The following MCM10 variants were observed in gnomAD, a reference collection of about 807,000 sequenced individuals.
MCM10 encodes protein MCM10 homolog.
A neutral mutation model predicts 109.9 loss-of-function variants in MCM10; 91 were observed. That is an observed-to-expected ratio of 0.83 (90% CI 0.70 to 0.99). The LOEUF (loss-of-function observed/expected upper bound fraction) is 0.99. MCM10 is among the 50% of genes least tolerant of loss of function. The probability of loss-of-function intolerance (pLI) is 0.00; values close to 1 mark genes in which losing one functional copy is unlikely to be tolerated. For synonymous variants in MCM10, 380 were observed against 387.2 expected, an observed-to-expected ratio of 0.98 and a Z score of 0.22; for missense variants, 1,077 against 1,061.2, an observed-to-expected ratio of 1.01 and a Z score of -0.21.
chr10:13,190,384 G>A (rs964724195), intron 10 of MCM10, among the ~76,000 whole-genome samples: 20 of 152,124 alleles, frequency 1.3e-4, no homozygotes, highest in African/African-American at 4.8e-4. Context: ...CCTATCACCT[G>A]AAAAACTGTT....
In MCM10 at chr10:13,185,936, G is replaced by GT. The variant is rs200604210; in HGVS notation, c.1099-222dup. On this transcript the variant is annotated intron_variant, in intron 8 of 19. Coordinates refer to ENST00000378714, the MANE Select transcript of MCM10 (RefSeq NM_018518.5). ...CTACCATGCCTGGCTAATTTTTGTG[G>GT]TTTTTTGTAGAGACAGGGTTTTGCC... Among the ~76,000 whole-genome samples the GT allele has an allele frequency of 6.6e-4, 101 of 152,176 alleles. 3 individuals carry two copies. The East Asian group carries it at 0.018, about 27-fold the overall frequency.
chr10:13,180,657 G>A, intron 7 of MCM10, 50 bp downstream of exon 7: 2 of 1,591,050 alleles, frequency 1.3e-6, no homozygotes, highest in Non-Finnish European at 1.7e-6. Flanking sequence ...ACTGACAGTG[G>A]GAATTCGATG....
chr10:13,204,386 C>A, intron 18 of MCM10, 22 bp downstream of exon 18: 1 of 1,611,878 alleles, frequency 6.2e-7, no homozygotes, highest in East Asian at 2.2e-5. Flanking sequence ...ACCTGGAGCT[C>A]TTTGTCCCAC....
At chr10:13,201,647 T>A in intron 17 of MCM10, 113 bp downstream of exon 17, 1 of 779,132 alleles carries the variant, frequency 1.3e-6, no homozygotes, top group South Asian at 1.7e-5. Context: ...ATGTGTCAGT[T>A]AATTAGGCTG....
intron 2 of MCM10, among the ~76,000 whole-genome samples, chr10:13,169,275 C>T (rs1381751523): frequency 6.6e-6 from 1 of 152,180 alleles, no homozygotes; most frequent in Non-Finnish European, 1.5e-5. Context: ...GACGCGGCAA[C>T]CCATTTCTCT....
rs777435835 is a variant in MCM10 at position 13,204,297 on chromosome 10, A to G, written c.2431A>G (p.Arg811Gly). 1 of 1,614,206 alleles carries G rather than the reference A, an allele frequency of 6.2e-7. No individual in the cohort carries two copies. The highest frequency in any genetic ancestry group is 1.1e-5 in the South Asian group (1 of 91,082). The change falls in exon 18 of 20, where the codon AGG becomes GGG. Residue 811 changes from arginine (R) to glycine (G), a missense_variant. By Grantham distance (125) the Arg-to-Gly change is moderately radical. Transcript: ENST00000378714. Reference protein sequence around the residue: ...HEYHWHDGVKRFFKCPCGNRS... With the variant: ...HEYHWHDGVKGFFKCPCGNRS... ...ATACCACTGGCATGATGGTGTGAAG[A>G]GGTTTTTCAAATGTCCCTGTGGAAA...
intron 5 of MCM10, among the ~76,000 whole-genome samples, chr10:13,173,078 T>A (rs566966394): frequency 2.0e-5 from 3 of 152,192 alleles, no homozygotes; most frequent in Admixed American, 2.0e-4. Flanking sequence ...GTTGCTTGCC[T>A]GTAGTCTCAG....
intron 11 of MCM10, 74 bp downstream of exon 11, chr10:13,191,473 T>C (rs1834346364): frequency 5.0e-6 from 6 of 1,192,884 alleles, no homozygotes; most frequent in Admixed American, 1.7e-5. Context: ...AGACTACACA[T>C]TGGGTACAGG....
rs1834522116 is a variant in MCM10, at chr10:13,203,115, G to A, written c.2353-1104G>A. The stretch of plus-strand genomic sequence containing the variant: ...CTGCCTTGGCCTCCCAAAGCGCTGG[G>A]ATTACAGGCATGAGCCACCATGCCT... On this transcript the variant is annotated intron_variant, in intron 17 of 19. Transcript: ENST00000378714. 2.6e-5 allele frequency among the ~76,000 whole-genome samples: 4 copies of A among 152,266 alleles called. No individual in the cohort carries two copies. The South Asian group carries it at 8.3e-4, about 32-fold the overall frequency.
intron 8 of MCM10, among the ~76,000 whole-genome samples, chr10:13,185,724 C>CG (rs2131573978): frequency 6.6e-6 from 1 of 152,184 alleles, no homozygotes; most frequent in East Asian, 1.9e-4. Flanking sequence ...GTTCCTAAAA[C>CG]GGTTATAGAG....
chr10:13,185,810 G>A (rs189475310), intron 8 of MCM10, among the ~76,000 whole-genome samples: 1 of 152,274 alleles, frequency 6.6e-6, no homozygotes, highest in African/African-American at 2.4e-5. Context: ...GCCCAGGCTG[G>A]AGTGCAGTGG....
chr10:13,205,957 C>G (rs1834574636), intron 18 of MCM10, among the ~76,000 whole-genome samples: 1 of 152,180 alleles, frequency 6.6e-6, no homozygotes, highest in Non-Finnish European at 1.5e-5. Flanking sequence ...GGTTAAGGAA[C>G]CCTCCCTGGT....
rs780608110 is a variant in MCM10 at position 13,183,022 on chromosome 10, G to A, written c.1020G>A (p.Ala340=). ...TCTTATTTGGAGAAGTTCACAAAGC[G>A]CTCTGGAAGACGGAGCAGGGGACTG... ...SLFLFGEVHK[A]LWKTEQGTVV... The change falls in exon 8 of 20, where the codon GCG becomes GCA. Residue 340 remains alanine (A), a synonymous_variant. Transcript: ENST00000378714. 8.7e-6 allele frequency: 14 copies of A among 1,614,046 alleles called. No homozygotes were observed. The highest frequency in any genetic ancestry group is 1.7e-5 in the Admixed American group (1 of 60,006).
At chr10:13,202,823 T>C (rs993112018) in intron 17 of MCM10, among the ~76,000 whole-genome samples, 2 of 152,014 alleles carry the variant, frequency 1.3e-5, no homozygotes, top group Non-Finnish European at 2.9e-5. Flanking sequence ...ACAATGCACA[T>C]TTATTGTTAT....
chr10:13,170,588 G>T (rs1834057344), intron 2 of MCM10, among the ~76,000 whole-genome samples: 1 of 152,202 alleles, frequency 6.6e-6, no homozygotes, highest in Non-Finnish European at 1.5e-5. Flanking sequence ...TCTTAGCCCA[G>T]TGTCCCCTAA....
chr10:13,188,378 G>A (rs971442453), intron 9 of MCM10, among the ~76,000 whole-genome samples: 1 of 152,066 alleles, frequency 6.6e-6, no homozygotes, highest in Non-Finnish European at 1.5e-5. Flanking sequence ...GTGATATTTA[G>A]TTGTGTAACC....
In MCM10 at chr10:13,209,225, A is replaced by T. The variant is rs771004556; in HGVS notation, c.2542-2A>T. ...CCTATTAAAATATTTTCATTTTTCT[A>T]GGAAAAGACTGGTCCAAAGATAGGA... On this transcript the variant is annotated splice_acceptor_variant, in intron 19 of 19. Coordinates refer to ENST00000378714, the MANE Select transcript of MCM10 (RefSeq NM_018518.5). LOFTEE classifies it high-confidence loss of function. The T allele has an allele frequency of 2.5e-6, 4 of 1,613,070 alleles. No individual in the cohort carries two copies. The highest frequency in any genetic ancestry group is 2.5e-6 in the Non-Finnish European group (3 of 1,179,062).
Position 13,164,122 on chromosome 10 carries a change from A to C in MCM10, c.-75-6A>C, listed in dbSNP as rs1385040803. The C allele has an allele frequency of 7.8e-7, 1 of 1,276,230 alleles. No individual in the cohort carries two copies. Among genetic ancestry groups the C allele is most frequent in the Non-Finnish European group, 1.1e-6 (1 of 924,808 alleles). The allele number at this position is 1,276,230 out of a possible 1,614,324, so 79.1% of individuals were successfully genotyped here. A position where few individuals can be genotyped will look rare whatever the true frequency, so the allele number is the denominator to read the frequency against. ...AAGTGACATTTCTAATATTGCTTTC[A>C]CACAGCCAAGATTCTACATTGCTCA... On this transcript the variant is annotated splice_region_variant and splice_polypyrimidine_tract_variant and intron_variant, in intron 1 of 19. Coordinates refer to ENST00000378714, the MANE Select transcript of MCM10 (RefSeq NM_018518.5).
intron 15 of MCM10, 109 bp from the exon 16 acceptor site, chr10:13,198,580 A>T: frequency 1.4e-6 from 1 of 721,058 alleles, no homozygotes. Context: ...GTCAAGTTTG[A>T]AGGGCTGGTA....
Sources: gnomAD v4.1 joint callset for allele counts (sites outside exome capture counted in the v4.1 genomes callset) on GRCh38, gnomAD v4.1.1 for gene constraint, MANE v1.5 for transcripts, NCBI Gene and HGNC (gene_info 2026-07-23, HGNC 2026-07-21) for gene names.